The following AKAP19 variants were observed in gnomAD, a reference collection of about 807,000 sequenced individuals.
AKAP19 encodes the protein A-kinase anchoring protein 19.
chr2:190,008,730 GCACACACACACACACACA>G, the AKAP19 span, among the ~76,000 whole-genome samples: 3 of 120,572 alleles, frequency 2.5e-5, no homozygotes, highest in African/African-American at 2.6e-5. Context: ...ATGTGCACGT[GCACACACACACACACACA>G]CACACACACA....
chr2:190,171,817 G>C, the AKAP19 span, among the ~76,000 whole-genome samples: 15 of 152,204 alleles, frequency 9.9e-5, no homozygotes, highest in Non-Finnish European at 2.1e-4. Context: ...CATTTTCTTT[G>C]AATTCTTTGT....
the AKAP19 span, among the ~76,000 whole-genome samples, chr2:190,108,019 T>C: frequency 2.0e-5 from 3 of 152,238 alleles, no homozygotes; most frequent in African/African-American, 7.2e-5. Context: ...ACTCTTCTGA[T>C]GACACAATCT....
At chr2:189,944,963 A>G in the AKAP19 span, among the ~76,000 whole-genome samples, 1 of 152,214 alleles carries the variant, frequency 6.6e-6, no homozygotes, top group African/African-American at 2.4e-5. Context: ...ATGAAAACAC[A>G]TGGAAATTAA....
At chr2:190,100,356 G>GT in the AKAP19 span, among the ~76,000 whole-genome samples, 2 of 152,160 alleles carry the variant, frequency 1.3e-5, no homozygotes, top group Non-Finnish European at 2.9e-5. Context: ...GATCCAATTC[G>GT]TTTTTGTTGC....
At chr2:189,893,094 C>A in the AKAP19 span, among the ~76,000 whole-genome samples, 1 of 152,128 alleles carries the variant, frequency 6.6e-6, no homozygotes, top group East Asian at 1.9e-4. Context: ...CTACTGAGTT[C>A]AGGTGTCCCA....
chr2:190,003,846 G>A, the AKAP19 span, among the ~76,000 whole-genome samples: 6 of 151,780 alleles, frequency 4.0e-5, no homozygotes, highest in East Asian at 3.9e-4. Context: ...CAGCCTGGGC[G>A]ACAGAGTGAG....
chr2:189,997,658 G>C, the AKAP19 span, among the ~76,000 whole-genome samples: 1 of 152,142 alleles, frequency 6.6e-6, no homozygotes, highest in African/African-American at 2.4e-5. Context: ...GGCAGGCTGT[G>C]CAAGAGCCTC....
the AKAP19 span, among the ~76,000 whole-genome samples, chr2:190,197,735 C>T: frequency 6.6e-6 from 1 of 152,174 alleles, no homozygotes; most frequent in Non-Finnish European, 1.5e-5. The surrounding 1 kb of genome is among the most constrained non-coding windows in gnomAD (Gnocchi z 4.0). Flanking sequence ...ATAATGGCAA[C>T]ATATATTTTG....
chr2:190,019,386 G>T, the AKAP19 span, among the ~76,000 whole-genome samples: 2 of 152,080 alleles, frequency 1.3e-5, no homozygotes, highest in African/African-American at 4.8e-5. Flanking sequence ...TTTCTCTCTG[G>T]GTGGGGCCTT....
chr2:190,164,474 G>C, the AKAP19 span, among the ~76,000 whole-genome samples: 5 of 152,114 alleles, frequency 3.3e-5, no homozygotes, highest in African/African-American at 4.8e-5. Context: ...AGGTTGCAGT[G>C]AACTATGATT....
the AKAP19 span, among the ~76,000 whole-genome samples, chr2:190,019,963 A>G: frequency 6.6e-6 from 1 of 152,160 alleles, no homozygotes; most frequent in African/African-American, 2.4e-5. Context: ...AACTTTCTGT[A>G]GTGTGTAGTG....
At chr2:190,088,436 A>T in the AKAP19 span, among the ~76,000 whole-genome samples, 2 of 152,198 alleles carry the variant, frequency 1.3e-5, no homozygotes, top group African/African-American at 4.8e-5. Context: ...TGCTTAGTAC[A>T]TTATCAACAA....
the AKAP19 span, among the ~76,000 whole-genome samples, chr2:190,109,029 A>G: frequency 6.6e-6 from 1 of 152,158 alleles, no homozygotes; most frequent in African/African-American, 2.4e-5. Flanking sequence ...ATCTGTATTA[A>G]TAAGAGATGT....
At chr2:189,953,651 A>C in the AKAP19 span, among the ~76,000 whole-genome samples, 6 of 151,916 alleles carry the variant, frequency 3.9e-5, no homozygotes, top group African/African-American at 7.2e-5. Context: ...AAAAAAAAAA[A>C]AAAAAAAACA....
the AKAP19 span, among the ~76,000 whole-genome samples, chr2:189,903,695 G>A: frequency 2.6e-5 from 4 of 151,852 alleles, no homozygotes; most frequent in Admixed American, 6.6e-5. Context: ...TTGTTACATG[G>A]CACTATTATA....
the AKAP19 span, among the ~76,000 whole-genome samples, chr2:189,982,161 C>G: frequency 4.0e-4 from 61 of 152,058 alleles, no homozygotes; most frequent in Non-Finnish European, 8.4e-4. Flanking sequence ...TAGGTTTGGT[C>G]ACTTTACATA....
chr2:189,971,993 C>T, the AKAP19 span, among the ~76,000 whole-genome samples: 2 of 152,142 alleles, frequency 1.3e-5, no homozygotes, highest in African/African-American at 4.8e-5. Flanking sequence ...TTAATTAGAT[C>T]CCATTTGTCA....
the AKAP19 span, among the ~76,000 whole-genome samples, chr2:189,880,859 T>A: frequency 6.6e-6 from 1 of 152,196 alleles, no homozygotes; most frequent in African/African-American, 2.4e-5. Flanking sequence ...CCAGTAATGA[T>A]ACTAAAATAT....
chr2:190,072,083 A>G, the AKAP19 span, among the ~76,000 whole-genome samples: 8 of 152,222 alleles, frequency 5.3e-5, no homozygotes, highest in Non-Finnish European at 8.8e-5. Context: ...CAGCCATAAA[A>G]AAGAACGAAA....
Sources: allele counts gnomAD v4.1 joint callset (sites outside exome capture counted in the v4.1 genomes callset), GRCh38; gene constraint gnomAD v4.1.1; non-coding constraint Gnocchi (gnomAD v3.1); transcripts MANE v1.5; gene names NCBI Gene and HGNC (gene_info 2026-07-23, HGNC 2026-07-21).